MYC: variants seen among roughly 807,000 people sequenced by gnomAD.
MYC encodes MYC proto-oncogene, bHLH transcription factor.
MYC carries 1 observed loss-of-function variant against 30.5 expected under a neutral mutation model. The ratio of observed to expected loss-of-function variants is 0.03; its 90% CI spans 0.01 to 0.16. The LOEUF is 0.16. Ranked by LOEUF, MYC falls within the 10% of genes least tolerant of loss-of-function variation. MYC has a pLI of 1.00. For synonymous variants in MYC, 267 were observed against 250.7 expected, an observed-to-expected ratio of 1.07 and a Z score of -0.62; for missense variants, 508 against 589.0, an observed-to-expected ratio of 0.86 and a Z score of 1.42.
At position 127,741,029 on chromosome 8, in the gene MYC, G is replaced by T; in HGVS notation, c.*71G>T. On this transcript the variant is annotated 3_prime_UTR_variant, in exon 3 of 3. Transcript: ENST00000621592. ...AATCACCTATGAACTTGTTTCAAAT[G>T]CATGATCAAATGCAACCTCACAACC... The T allele has an allele frequency of 7.2e-7, 1 of 1,394,920 alleles. No homozygotes were observed. The highest frequency in any genetic ancestry group is 9.5e-7 in the Non-Finnish European group (1 of 1,049,634). 86.4% of individuals were successfully genotyped at this position (1,394,920 alleles called of 1,614,324 possible).
chr8:127,738,777 C>G lies in MYC; in HGVS notation c.560C>G (p.Ser187Cys). The G allele has an allele frequency of 6.2e-7, 1 of 1,610,554 alleles. No homozygotes were observed. Among genetic ancestry groups the G allele is most frequent in the Non-Finnish European group, 8.5e-7 (1 of 1,177,972 alleles). ...CCCGCCCGCGGCCACAGCGTCTGCT[C>G]CACCTCCAGCTTGTACCTGCAGGAT... The change falls in exon 2 of 3, where the codon TCC becomes TGC. Residue 187 changes from serine to cysteine, a missense_variant. Around this residue, in one of 5 missense-constraint regions of MYC, gnomAD observed 364 missense variants for 381.1 expected, o/e 0.96. Transcript: ENST00000621592. This position sits in a 1 kb window ranked among gnomAD's most constrained non-coding sequence, Gnocchi z 7.6.
chr8:127,737,860 C>CA (rs1420497911), intron 1 of MYC, among the ~76,000 whole-genome samples: 14 of 152,178 alleles, frequency 9.2e-5, no homozygotes, highest in Non-Finnish European at 1.8e-4. Context: ...TCAGGTGGCG[C>CA]AAAACTTTGT....
chr8:127,738,323 C>G lies in MYC; in HGVS notation c.106C>G (p.Pro36Ala). ...TGACCTCGACTACGACTCGGTGCAGCCGTATTTCTACTGCGACGAGGAGGA... is the reference window on the plus strand; with the variant it reads ...TGACCTCGACTACGACTCGGTGCAGGCGTATTTCTACTGCGACGAGGAGGA... Residue 36 changes from proline (P) to alanine (A), a missense_variant, in exon 2 of 3, where the codon CCG (proline) becomes GCG (alanine). Coordinates refer to ENST00000621592, the MANE Select transcript of MYC (RefSeq NM_002467.6). This position sits in a 1 kb window ranked among gnomAD's most constrained non-coding sequence, Gnocchi z 7.6. The G allele has an allele frequency of 6.2e-7, 1 of 1,614,054 alleles. No homozygotes were observed. Among genetic ancestry groups the G allele is most frequent in the Non-Finnish European group, 8.5e-7 (1 of 1,179,922 alleles).
At position 127,742,616 on chromosome 8, in the gene MYC, T is replaced by C. The variant is rs1313345023; in HGVS notation, c.*1658T>C. On this transcript the variant is annotated 3_prime_UTR_variant, in exon 3 of 3. Transcript: ENST00000621592. ...ATGACGGCTCCTGGGAAGAAGCCAG[T>C]TCAGATCATAAAATAAAACATATTT... Among the ~76,000 whole-genome samples, 1 of 152,258 alleles carries C rather than the reference T, an allele frequency of 6.6e-6. No individual in the cohort carries two copies. The highest frequency in any genetic ancestry group is 2.4e-5 in the African/African-American group (1 of 41,464).
At chr8:127,735,974 C>A, upstream of MYC, 1 of 128,450 alleles carries the variant, frequency 7.8e-6, no homozygotes, top group South Asian at 2.8e-4. Flanking sequence ...CTCCCGGGTT[C>A]CCAAAGCAGA....
rs1415525306 is a variant in MYC at position 127,736,774 on chromosome 8, G to C, written c.30+151G>C. 4 of 879,574 alleles carry C rather than the reference G, an allele frequency of 4.5e-6. No homozygotes were observed. The South Asian group carries it at 4.9e-5, about 11-fold the overall frequency. The allele number at this position is 879,574 out of a possible 1,614,324, so 54.5% of individuals were successfully genotyped here. A position where few individuals can be genotyped will look rare whatever the true frequency, so the allele number is the denominator to read the frequency against. ...GTTATGGTAACTGGGGCTGGGGTGG[G>C]GGGTAATCCAGAACTGGATCGGGGT... On this transcript the variant is annotated intron_variant, in intron 1 of 2. Transcript: ENST00000621592.
At position 127,736,338 on chromosome 8, in the gene MYC, G is replaced by A; in HGVS notation, c.-256G>A. 1 of 593,584 alleles carries A rather than the reference G, an allele frequency of 1.7e-6. No homozygotes were observed. The allele number at this position is 593,584 out of a possible 1,614,324, so 36.8% of individuals were successfully genotyped here. A position where few individuals can be genotyped will look rare whatever the true frequency, so the allele number is the denominator to read the frequency against. On this transcript the variant is annotated 5_prime_UTR_variant, in exon 1 of 3. Coordinates refer to ENST00000621592, the MANE Select transcript of MYC (RefSeq NM_002467.6). ...GCGCTGCGGGCGTCCTGGGAAGGGAGATCCGGAGCGAATAGGGGGCTTCGC... is the reference window on the plus strand; with the variant it reads ...GCGCTGCGGGCGTCCTGGGAAGGGAAATCCGGAGCGAATAGGGGGCTTCGC...
chr8:127,740,003 A>C (rs1364971723), intron 2 of MYC, among the ~76,000 whole-genome samples: 1 of 141,156 alleles, frequency 7.1e-6, no homozygotes, highest in African/African-American at 2.7e-5. Flanking sequence ...ACGGAGTCTC[A>C]CTCTGTCACT....
At position 127,742,370 on chromosome 8, in the gene MYC, C is replaced by T. The variant is rs757623398; in HGVS notation, c.*1412C>T. 2.0e-5 allele frequency among the ~76,000 whole-genome samples: 3 copies of T among 152,236 alleles called. No homozygotes were observed. The highest frequency in any genetic ancestry group is 4.4e-5 in the Non-Finnish European group (3 of 68,040). ...CTCCTAACCTGTCCAAGCCACCTCT[C>T]AGACGACGGTAGGAATCAGCTGGCT... On this transcript the variant is annotated 3_prime_UTR_variant, in exon 3 of 3. Transcript: ENST00000621592.
At chr8:127,735,742 A>G (rs562023036), upstream of MYC, 1 of 399,138 alleles carries the variant, frequency 2.5e-6, no homozygotes, top group African/African-American at 2.1e-5. Flanking sequence ...GCGATGATTT[A>G]TACTCACAGG....
intron 2 of MYC, 33 bp downstream of exon 2, chr8:127,739,052 G>GGGC: frequency 1.4e-6 from 2 of 1,454,994 alleles, no homozygotes; most frequent in Non-Finnish European, 1.8e-6. Flanking sequence ...TGTCAAAAGT[G>GGGC]GGCGGCTGGA....
chr8:127,742,222 G>A lies in MYC; in HGVS notation c.*1264G>A, dbSNP rs1813723067. ...AACTCTACATCAACCCCATGAAGGA[G>A]ATACTGTTGATTTCCCCATATTAGA... On this transcript the variant is annotated 3_prime_UTR_variant, in exon 3 of 3. Transcript: ENST00000621592. Among the ~76,000 whole-genome samples, 1 of 152,234 alleles carries A rather than the reference G, an allele frequency of 6.6e-6. No individual in the cohort carries two copies. The highest frequency in any genetic ancestry group is 2.1e-4 in the South Asian group (1 of 4,832).
At chr8:127,735,997 A>T (rs1813579427), upstream of MYC, 1 of 140,132 alleles carries the variant, frequency 7.1e-6, no homozygotes, top group Admixed American at 7.0e-5. Context: ...GCGTGGGGGA[A>T]AAGAAAAAAG....
chr8:127,737,996 G>A (rs995652956), intron 1 of MYC, among the ~76,000 whole-genome samples: 16 of 151,840 alleles, frequency 1.1e-4, no homozygotes, highest in African/African-American at 3.6e-4. Flanking sequence ...CCGGGCTCCC[G>A]GGGGAGCGGG....
rs149534345 is a variant in MYC, at chr8:127,741,052, A to G, written c.*94A>G. 8,444 of 1,186,220 alleles carry G rather than the reference A, an allele frequency of 7.1e-3. 47 individuals carry two copies. Among genetic ancestry groups the G allele is most frequent in the Non-Finnish European group, 8.3e-3 (7,296 of 882,088 alleles). The allele number at this position is 1,186,220 out of a possible 1,614,324, so 73.5% of individuals were successfully genotyped here. ...ATGCATGATCAAATGCAACCTCACAACCTTGGCTGAGTCTTGAGACTGAAA... is the reference window on the plus strand; with the variant it reads ...ATGCATGATCAAATGCAACCTCACAGCCTTGGCTGAGTCTTGAGACTGAAA... On this transcript the variant is annotated 3_prime_UTR_variant, in exon 3 of 3. Coordinates refer to ENST00000621592, the MANE Select transcript of MYC (RefSeq NM_002467.6).
chr8:127,738,358 CCAG>C lies in MYC; in HGVS notation c.154_156del (p.Gln52del), dbSNP rs745729043. 9.3e-6 allele frequency: 15 copies of C among 1,612,048 alleles called. No homozygotes were observed. The highest frequency in any genetic ancestry group is 2.2e-5 in the East Asian group (1 of 44,828). Reference sequence around the variant, plus strand: ...ACTGCGACGAGGAGGAGAACTTCTACCAGCAGCAGCAGCAGAGCGAGCTGCAGC... The same window carrying C: ...ACTGCGACGAGGAGGAGAACTTCTACCAGCAGCAGCAGAGCGAGCTGCAGC... On this transcript the variant is annotated inframe_deletion, in exon 2 of 3. Transcript: ENST00000621592. The surrounding 1 kb of genome is among the most constrained non-coding windows in gnomAD (Gnocchi z 7.6).
intron 2 of MYC, among the ~76,000 whole-genome samples, chr8:127,739,966 C>CTTTT (rs545674040): frequency 0.04 from 5,420 of 136,220 alleles, 132 homozygotes; most frequent in African/African-American, 0.07. Context: ...TAGATTGGTT[C>CTTTT]TTTTTTTTTT....
intron 1 of MYC, among the ~76,000 whole-genome samples, chr8:127,737,556 CTAT>C (rs1408655205): frequency 1.3e-5 from 2 of 152,008 alleles, no homozygotes; most frequent in African/African-American, 2.4e-5. Context: ...GGAGGTGCCC[CTAT>C]TATTATTTGA....
At position 127,741,202 on chromosome 8, in the gene MYC, G is replaced by A; in HGVS notation, c.*244G>A. On this transcript the variant is annotated 3_prime_UTR_variant, in exon 3 of 3. Coordinates refer to ENST00000621592, the MANE Select transcript of MYC (RefSeq NM_002467.6). ...AAGAATTGTTTTTAAAAAATTTTAAGATTTACACAATGTTTCTCTGTAAAT... is the reference window on the plus strand; with the variant it reads ...AAGAATTGTTTTTAAAAAATTTTAAAATTTACACAATGTTTCTCTGTAAAT... The A allele has an allele frequency of 2.7e-6, 1 of 375,664 alleles. No homozygotes were observed. Among genetic ancestry groups the A allele is most frequent in the Non-Finnish European group, 4.7e-6 (1 of 210,920 alleles). The allele number at this position is 375,664 out of a possible 1,614,324, so 23.3% of individuals were successfully genotyped here. A position where few individuals can be genotyped will look rare whatever the true frequency, so the allele number is the denominator to read the frequency against.
Sources: allele counts gnomAD v4.1 joint callset (sites outside exome capture counted in the v4.1 genomes callset), GRCh38; gene constraint gnomAD v4.1.1; regional missense constraint gnomAD v4.1.1; non-coding constraint Gnocchi (gnomAD v3.1); transcripts MANE v1.5; gene names NCBI Gene and HGNC (gene_info 2026-07-23, HGNC 2026-07-21).